The following DLG2 variants were observed in gnomAD, a reference collection of about 807,000 sequenced individuals.
DLG2 encodes discs large MAGUK scaffold protein 2.
In DLG2, 45 loss-of-function variants were observed where a neutral mutation model predicts 132.5. The ratio of observed to expected loss-of-function variants is 0.34; its 90% CI spans 0.27 to 0.44. The LOEUF (loss-of-function observed/expected upper bound fraction) is 0.44. Ranked by LOEUF, DLG2 falls within the 20% of genes least tolerant of loss-of-function variation. The pLI, the probability that DLG2 is intolerant of heterozygous loss-of-function variation, is 1.00. For synonymous variants in DLG2, 424 were observed against 419.6 expected, an observed-to-expected ratio of 1.01 and a Z score of -0.13; for missense variants, 1,045 against 1,196.9, an observed-to-expected ratio of 0.87 and a Z score of 1.87.
intron 3 of DLG2, among the ~76,000 whole-genome samples, chr11:85,393,619 T>G (rs1233876069): frequency 7.3e-6 from 1 of 136,654 alleles, no homozygotes; most frequent in Non-Finnish European, 1.6e-5. Context: ...TATATATATA[T>G]GGTATGCATA....
intron 6 of DLG2, among the ~76,000 whole-genome samples, chr11:84,556,041 GC>G (rs1022859520): frequency 6.6e-6 from 1 of 152,100 alleles, no homozygotes; most frequent in Non-Finnish European, 1.5e-5. Context: ...GTTTTCTTTT[GC>G]CCACCCACAC....
chr11:84,930,615 C>T (rs1281142568), intron 6 of DLG2, among the ~76,000 whole-genome samples: 1 of 151,718 alleles, frequency 6.6e-6, no homozygotes, highest in African/African-American at 2.4e-5. Context: ...ACAAAACAAA[C>T]AGAGAAAACA....
chr11:83,774,025 A>G (rs2094495244), intron 18 of DLG2, among the ~76,000 whole-genome samples: 1 of 151,974 alleles, frequency 6.6e-6, no homozygotes, highest in Non-Finnish European at 1.5e-5. Flanking sequence ...TGAAAAACAA[A>G]TAAAGATTGC....
chr11:84,248,377 A>T (rs1242827722), intron 8 of DLG2, among the ~76,000 whole-genome samples: 1 of 152,122 alleles, frequency 6.6e-6, no homozygotes, highest in Admixed American at 6.6e-5. Context: ...AAGCTAAGAA[A>T]ATCTCTGAGG....
intron 4 of DLG2, among the ~76,000 whole-genome samples, chr11:85,246,812 T>C (rs970874776): frequency 2.0e-5 from 3 of 152,120 alleles, no homozygotes; most frequent in African/African-American, 7.2e-5. Flanking sequence ...CATAAGTCTA[T>C]ATCCAATCTG....
chr11:83,773,472 T>G (rs965980248), intron 18 of DLG2, among the ~76,000 whole-genome samples: 4 of 152,246 alleles, frequency 2.6e-5, no homozygotes, highest in African/African-American at 9.6e-5. Context: ...TGTTTATTTG[T>G]TTGCTTAATC....
chr11:83,695,585 C>G (rs887407619), intron 18 of DLG2, among the ~76,000 whole-genome samples: 1 of 151,962 alleles, frequency 6.6e-6, no homozygotes, highest in Non-Finnish European at 1.5e-5. Flanking sequence ...CTAAAAATAC[C>G]AAAATTAGCT....
intron 19 of DLG2, among the ~76,000 whole-genome samples, chr11:83,605,022 A>AGAGAGAGAGAGAGAGG (rs1555236911): frequency 0.02 from 2,996 of 151,496 alleles, 123 homozygotes; most frequent in African/African-American, 0.07. Flanking sequence ...AGAGAGAGAG[A>AGAGAGAGAGAGAGAGG]GAGAGAGAGA....
rs142761668 is a variant in DLG2 at position 84,607,564 on chromosome 11, A to G, written c.358-72833T>C. ...ACTCTGTCTCCTGAACTTATTAAAT[A>G]AAGAGTCAGGTAAAGATTTCTAATA... On this transcript the variant is annotated intron_variant, in intron 6 of 27. Coordinates refer to ENST00000376104, the MANE Select transcript of DLG2 (RefSeq NM_001142699.3). Among the ~76,000 whole-genome samples, 704 of 152,206 alleles carry G rather than the reference A, an allele frequency of 4.6e-3. 6 individuals carry two copies. Among genetic ancestry groups the G allele is most frequent in the Middle Eastern group, 0.01 (3 of 294 alleles).
At chr11:85,188,404 G>A (rs1466500628) in intron 4 of DLG2, among the ~76,000 whole-genome samples, 1 of 152,120 alleles carries the variant, frequency 6.6e-6, no homozygotes, top group Non-Finnish European at 1.5e-5. Context: ...CAGAGTGGGA[G>A]GCAGAATCTA....
chr11:85,015,073 T>C (rs566058737), intron 6 of DLG2, among the ~76,000 whole-genome samples: 5 of 152,308 alleles, frequency 3.3e-5, no homozygotes, highest in African/African-American at 9.6e-5. Flanking sequence ...CTTGTGTTCA[T>C]TGAAGGCAGC....
At chr11:83,494,943 C>CT (rs2094069916) in intron 21 of DLG2, among the ~76,000 whole-genome samples, 1 of 152,184 alleles carries the variant, frequency 6.6e-6, no homozygotes, top group African/African-American at 2.4e-5. Context: ...GACACTCACT[C>CT]TATCTCCTGG....
intron 12 of DLG2, among the ~76,000 whole-genome samples, chr11:83,976,429 C>A (rs533163561): frequency 2.8e-4 from 43 of 151,824 alleles, no homozygotes; most frequent in Non-Finnish European, 5.6e-4. Context: ...GAATCTAAAT[C>A]ATTTGTCCTT....
chr11:84,748,085 C>T (rs544391198), intron 6 of DLG2, among the ~76,000 whole-genome samples: 3 of 152,194 alleles, frequency 2.0e-5, no homozygotes, highest in East Asian at 1.9e-4. Flanking sequence ...ATCAAAGACA[C>T]CTGACAGGGC....
At chr11:84,842,087 T>C (rs1293907255) in intron 6 of DLG2, among the ~76,000 whole-genome samples, 1 of 152,048 alleles carries the variant, frequency 6.6e-6, no homozygotes, top group Non-Finnish European at 1.5e-5. Context: ...CAATATCATA[T>C]AACACATCAT....
chr11:84,674,999 C>T (rs922726772), intron 6 of DLG2, among the ~76,000 whole-genome samples: 1 of 152,096 alleles, frequency 6.6e-6, no homozygotes, highest in Non-Finnish European at 1.5e-5. Context: ...GTTTCCCTAA[C>T]AGAGAACTTT....
At chr11:84,546,265 G>C (rs77694168) in intron 6 of DLG2, among the ~76,000 whole-genome samples, 8,837 of 152,166 alleles carry the variant, frequency 0.058, 306 homozygotes, top group South Asian at 0.1. Context: ...CTGATTGTTT[G>C]GAAGTGTGAA....
chr11:84,718,848 T>C (rs1280278181), intron 6 of DLG2, among the ~76,000 whole-genome samples: 1 of 152,154 alleles, frequency 6.6e-6, no homozygotes, highest in Non-Finnish European at 1.5e-5. Context: ...ACACAAACCT[T>C]CAACAATTCT....
At chr11:85,427,393 A>T (rs1450570997) in intron 3 of DLG2, among the ~76,000 whole-genome samples, 1 of 152,234 alleles carries the variant, frequency 6.6e-6, no homozygotes, top group Non-Finnish European at 1.5e-5. Context: ...CAGGTTACCC[A>T]CAAAGGGAAG....
Sources: allele counts gnomAD v4.1 joint callset (sites outside exome capture counted in the v4.1 genomes callset), GRCh38; gene constraint gnomAD v4.1.1; transcripts MANE v1.5; gene names NCBI Gene and HGNC (gene_info 2026-07-23, HGNC 2026-07-21).